NOLC1: variants seen among roughly 807,000 people sequenced by gnomAD.
NOLC1 encodes 140 kDa nucleolar phosphoprotein.
In NOLC1, 37 loss-of-function variants were observed where a neutral mutation model predicts 73.4. The observed-to-expected ratio is 0.50, with a 90% CI of 0.39 to 0.66. The LOEUF (loss-of-function observed/expected upper bound fraction) is 0.66, where lower values mean the gene tolerates loss of function less well. Among genes scored for constraint, NOLC1 ranks in the 30% least tolerant of loss-of-function variants. NOLC1 has a pLI of 0.00. For missense variants in NOLC1, 921 were observed against 838.9 expected, an observed-to-expected ratio of 1.10 and a Z score of -1.21; for synonymous variants, 327 against 302.6, an observed-to-expected ratio of 1.08 and a Z score of -0.84.
rs2069732164 is a variant in NOLC1, at chr10:102,162,530, CTCCT to C, written c.*267_*270del. ...TAAGAAAATTCATTTTCATTGTTGT[CTCCT>C]TCCTTTTCTGTGAAAGTCCTCATAC... On this transcript the variant is annotated 3_prime_UTR_variant, in exon 13 of 13. Transcript: ENST00000605788. 1 of 291,146 alleles carries C rather than the reference CTCCT, an allele frequency of 3.4e-6. No homozygotes were observed. The highest frequency in any genetic ancestry group is 6.3e-6 in the Non-Finnish European group (1 of 158,862). 18.0% of individuals were successfully genotyped at this position (291,146 alleles called of 1,614,324 possible).
rs562694950 is a variant in NOLC1 at position 102,152,570 on chromosome 10, C to T, written c.120+40C>T. 9.6e-5 allele frequency: 155 copies of T among 1,611,592 alleles called. 1 individual carries two copies. In the South Asian group the frequency reaches 1.6e-3, roughly 16 times the overall value. ...TGGGGCGGGGACCGGGCTGAGATGA[C>T]CACAAGGCTTCAGGCCCTGACGTGC... On this transcript the variant is annotated intron_variant, in intron 1 of 12. Coordinates refer to ENST00000605788, the MANE Select transcript of NOLC1 (RefSeq NM_004741.5).
At position 102,156,979 on chromosome 10, in the gene NOLC1, G is replaced by A. The variant is rs143960757; in HGVS notation, c.121-40G>A. The A allele has an allele frequency of 7.5e-3, 11,939 of 1,592,044 alleles. 81 individuals are homozygous for A. Among genetic ancestry groups the A allele is most frequent in the Non-Finnish European group, 9.1e-3 (10,516 of 1,160,622 alleles). ...CCACATTTAATGAAAGCATAACCAGGATAAAATAATTTCCTTACCCAGCTC... is the reference window on the plus strand; with the variant it reads ...CCACATTTAATGAAAGCATAACCAGAATAAAATAATTTCCTTACCCAGCTC... On this transcript the variant is annotated intron_variant, in intron 1 of 12. Transcript: ENST00000605788.
At position 102,160,478 on chromosome 10, in the gene NOLC1, G is replaced by A. The variant is rs775204557; in HGVS notation, c.1126G>A (p.Ala376Thr). 5.6e-6 allele frequency: 9 copies of A among 1,613,918 alleles called. No individual in the cohort carries two copies. Among genetic ancestry groups the A allele is most frequent in the Non-Finnish European group, 5.9e-6 (7 of 1,179,922 alleles). The change falls in exon 10 of 13, where the codon GCT (alanine) becomes ACT (threonine). Residue 376 changes from alanine (A) to threonine (T), a missense_variant. Physicochemically the swap from Ala to Thr is moderately conservative, Grantham distance 58. Coordinates refer to ENST00000605788, the MANE Select transcript of NOLC1 (RefSeq NM_004741.5). ...SDSDSSEDDE[A>T]PSKPAGTTKN... is the part of the protein sequence containing the mutation. ...CTCTGACAGCTCTGAGGATGATGAAGCTCCTTCTAAGCCAGCTGGTACCAC... is the reference window on the plus strand; with the variant it reads ...CTCTGACAGCTCTGAGGATGATGAAACTCCTTCTAAGCCAGCTGGTACCAC...
chr10:102,161,487 C>A (rs1312841614), intron 10 of NOLC1, 69 bp from the exon 11 acceptor site: 2 of 1,157,268 alleles, frequency 1.7e-6, no homozygotes, highest in African/African-American at 1.5e-5. Context: ...CTACCTTGGA[C>A]TCCCAAAATG....
chr10:102,155,863 C>CA (rs1554926660), intron 1 of NOLC1, among the ~76,000 whole-genome samples: 2 of 147,290 alleles, frequency 1.4e-5, no homozygotes, highest in Non-Finnish European at 3.0e-5. Context: ...TTGTTTCTTT[C>CA]TTTTTTTTTT....
At chr10:102,153,292 G>A (rs1028452715) in intron 1 of NOLC1, among the ~76,000 whole-genome samples, 4 of 152,234 alleles carry the variant, frequency 2.6e-5, no homozygotes, top group Admixed American at 6.5e-5. Flanking sequence ...GAGGAATCTT[G>A]TAAAAGTGAA....
At chr10:102,157,940 C>G (rs187446616) in intron 4 of NOLC1, 109 bp from the exon 5 acceptor site, 15 of 1,003,806 alleles carry the variant, frequency 1.5e-5, no homozygotes, top group Middle Eastern at 6.5e-4. Context: ...CCTTAGCTTT[C>G]TTTTGCTCTT....
In NOLC1 at chr10:102,159,426, A is replaced by G. The variant is rs2069660371; in HGVS notation, c.724-7A>G. ...TCCTGTGGTAATCAATTTTCTTTCT[A>G]ATGCAGACTGTACCTAAAAAGCAAG... is the stretch of plus-strand genomic sequence containing the variant. On this transcript the variant is annotated splice_polypyrimidine_tract_variant and splice_region_variant and intron_variant, in intron 6 of 12. Coordinates refer to ENST00000605788, the MANE Select transcript of NOLC1 (RefSeq NM_004741.5). 1 of 1,614,006 alleles carries G rather than the reference A, an allele frequency of 6.2e-7. No individual in the cohort carries two copies. The highest frequency in any genetic ancestry group is 2.2e-5 in the East Asian group (1 of 44,892).
rs960790258 is a variant in NOLC1 at position 102,160,230 on chromosome 10, C to G, written c.989-3C>G. ...CCAGCATAATGCTACAGGTTCTCCT[C>G]AGATTCAAGTTCTGAAGAAGAGAAG... On this transcript the variant is annotated splice_region_variant and splice_polypyrimidine_tract_variant and intron_variant, in intron 8 of 12. Coordinates refer to ENST00000605788, the MANE Select transcript of NOLC1 (RefSeq NM_004741.5). 4 of 1,613,304 alleles carry G rather than the reference C, an allele frequency of 2.5e-6. No homozygotes were observed. The highest frequency in any genetic ancestry group is 1.7e-5 in the Admixed American group (1 of 60,000).
intron 12 of NOLC1, 61 bp from the exon 13 acceptor site, chr10:102,162,050 A>T: frequency 1.2e-6 from 2 of 1,605,426 alleles, no homozygotes; most frequent in East Asian, 4.5e-5. Context: ...AGTAGAAAGA[A>T]TAAAGTGACA....
chr10:102,161,538 T>TG lies in NOLC1; in HGVS notation c.1742-16dup. The TG allele has an allele frequency of 1.2e-6, 2 of 1,603,846 alleles. No individual in the cohort carries two copies. The highest frequency in any genetic ancestry group is 1.7e-6 in the Non-Finnish European group (2 of 1,171,290). ...TGAGCCACTGTACTCGGCCTGAGTC[T>TG]GGCTTTTTGTTTTGTAGGTTCATTA... On this transcript the variant is annotated splice_polypyrimidine_tract_variant and intron_variant, in intron 10 of 12. Coordinates refer to ENST00000605788, the MANE Select transcript of NOLC1 (RefSeq NM_004741.5).
At chr10:102,158,860 T>C (rs2133757952) in intron 5 of NOLC1, among the ~76,000 whole-genome samples, 1 of 152,072 alleles carries the variant, frequency 6.6e-6, no homozygotes, top group Middle Eastern at 3.4e-3. Context: ...TTTGGGAGGC[T>C]GAGGCGGGCG....
chr10:102,152,830 TAG>T (rs1015323247), intron 1 of NOLC1, among the ~76,000 whole-genome samples: 1 of 151,802 alleles, frequency 6.6e-6, no homozygotes, highest in African/African-American at 2.4e-5. Context: ...AGCGGGGAGG[TAG>T]AGTCTTGTTC....
At position 102,162,404 on chromosome 10, in the gene NOLC1, C is replaced by G. The variant is rs761418056; in HGVS notation, c.*135C>G. 265 of 847,750 alleles carry G rather than the reference C, an allele frequency of 3.1e-4. No individual in the cohort carries two copies. In the Middle Eastern group the frequency reaches 4.6e-3, roughly 15 times the overall value. The allele number at this position is 847,750 out of a possible 1,614,324, so 52.5% of individuals were successfully genotyped here. A position where few individuals can be genotyped will look rare whatever the true frequency, so the allele number is the denominator to read the frequency against. The stretch of plus-strand genomic sequence containing the variant: ...GTTTAGAGTAGGTCCTAAGACTTTA[C>G]AGTGTAACATCCTCTCTGGTCCTTT... On this transcript the variant is annotated 3_prime_UTR_variant, in exon 13 of 13. Transcript: ENST00000605788.
chr10:102,161,375 C>T (rs2069706992), intron 10 of NOLC1, among the ~76,000 whole-genome samples, 181 bp from the exon 11 acceptor site: 1 of 152,094 alleles, frequency 6.6e-6, no homozygotes, highest in African/African-American at 2.4e-5. Flanking sequence ...GGACTACAAG[C>T]ATGCACCACC....
At position 102,160,262 on chromosome 10, in the gene NOLC1, C is replaced by G. The variant is rs1245682767; in HGVS notation, c.1018C>G (p.Pro340Ala). 3 of 1,614,188 alleles carry G rather than the reference C, an allele frequency of 1.9e-6. No individual in the cohort carries two copies. Among genetic ancestry groups the G allele is most frequent in the Non-Finnish European group, 2.5e-6 (3 of 1,180,028 alleles). The stretch of plus-strand genomic sequence containing the variant: ...AAGTTCTGAAGAAGAGAAGAAACCC[C>G]CAACTAAGGCAGTAGTCTCTAAAGC... ...DSSSEEEKKP[P>A]TKAVVSKATT... is the part of the protein sequence containing the mutation. The change falls in exon 9 of 13, where the codon CCA becomes GCA. Residue 340 changes from proline (P) to alanine (A), a missense_variant. Transcript: ENST00000605788.
rs1182480965 is a variant in NOLC1, at chr10:102,162,846, G to C, written c.*577G>C. On this transcript the variant is annotated 3_prime_UTR_variant, in exon 13 of 13. Transcript: ENST00000605788. The stretch of plus-strand genomic sequence containing the variant: ...TTTCATCCTCATTTATTGGGTCTGG[G>C]ACTGAAGTTTTTAGCCAGCATGGAC... 6.6e-6 allele frequency: 1 copy of C among 152,210 alleles called. No homozygotes were observed. Among genetic ancestry groups the C allele is most frequent in the Admixed American group, 6.5e-5 (1 of 15,272 alleles). The allele number at this position is 152,210 out of a possible 1,614,324, so 9.4% of individuals were successfully genotyped here.
chr10:102,157,827 AAGAG>A (rs549937139), intron 4 of NOLC1, among the ~76,000 whole-genome samples: 20 of 152,090 alleles, frequency 1.3e-4, no homozygotes, highest in Non-Finnish European at 2.5e-4. Context: ...CTCCAAGAAT[AAGAG>A]AGAGTGTTTT....
Position 102,162,110 on chromosome 10 carries a change from G to A in NOLC1, c.1942-1G>A. On this transcript the variant is annotated splice_acceptor_variant, in intron 12 of 12. Transcript: ENST00000605788. LOFTEE classifies it high-confidence loss of function. ...TGTTAATCTCCCTCTCTACTTACCAGCGAGGTGCAGCCGGAGACTGGGGAG... is the reference window on the plus strand; with the variant it reads ...TGTTAATCTCCCTCTCTACTTACCAACGAGGTGCAGCCGGAGACTGGGGAG... 6.2e-7 allele frequency: 1 copy of A among 1,613,650 alleles called. No individual in the cohort carries two copies. The highest frequency in any genetic ancestry group is 8.5e-7 in the Non-Finnish European group (1 of 1,179,966).
Sources: allele counts gnomAD v4.1 joint callset (sites outside exome capture counted in the v4.1 genomes callset), GRCh38; gene constraint gnomAD v4.1.1; transcripts MANE v1.5; gene names NCBI Gene and HGNC (gene_info 2026-07-23, HGNC 2026-07-21).